TMEM120B: variants seen among roughly 807,000 people sequenced by gnomAD.
TMEM120B encodes transmembrane protein 120B.
A neutral mutation model predicts 55.5 loss-of-function variants in TMEM120B; 31 were observed. That is an observed-to-expected ratio of 0.56 (90% CI 0.42 to 0.75). The LOEUF is 0.75. TMEM120B is among the 30% of genes least tolerant of loss of function. The probability of loss-of-function intolerance (pLI) is 0.00; values close to 1 mark genes in which losing one functional copy is unlikely to be tolerated. For synonymous variants in TMEM120B, 203 were observed against 176.3 expected (o/e 1.15, Z -1.20); for missense variants, 399 against 425.5 (o/e 0.94, Z 0.55).
rs776647972 is a variant in TMEM120B at position 121,779,516 on chromosome 12, C to T, written c.*3794C>T. On this transcript the variant is annotated 3_prime_UTR_variant, in exon 12 of 12. Transcript: ENST00000449592. The stretch of plus-strand genomic sequence containing the variant: ...CCCTGGGTCAGAGCAGCAGGCAGAG[C>T]CGGCGCTTCTTCTGCCGTTGCGCCT... The T allele has an allele frequency of 5.6e-6, 9 of 1,612,592 alleles. No individual in the cohort carries two copies. The highest frequency in any genetic ancestry group is 7.6e-6 in the Non-Finnish European group (9 of 1,180,020).
chr12:121,719,643 G>A (rs1173932754), intron 1 of TMEM120B, among the ~76,000 whole-genome samples: 1 of 152,070 alleles, frequency 6.6e-6, no homozygotes, highest in Admixed American at 6.6e-5. Flanking sequence ...TGCTTAAATT[G>A]CTAACGGGGG....
chr12:121,775,830 C>T lies in TMEM120B; in HGVS notation c.*108C>T, dbSNP rs1874226147. 2 of 1,200,940 alleles carry T rather than the reference C, an allele frequency of 1.7e-6. No homozygotes were observed. The highest frequency in any genetic ancestry group is 3.0e-5 in the African/African-American group (2 of 67,120). 74.4% of individuals were successfully genotyped at this position (1,200,940 alleles called of 1,614,324 possible). A position where few individuals can be genotyped will look rare whatever the true frequency, so the allele number is the denominator to read the frequency against. ...TGGCATCGCTGGGAGAGGGCCCAGG[C>T]CCTGGTCCCCCAGTGGACCCCAGTG... On this transcript the variant is annotated 3_prime_UTR_variant, in exon 12 of 12. Coordinates refer to ENST00000449592, the MANE Select transcript of TMEM120B (RefSeq NM_001080825.2). This position sits in a 1 kb window ranked among gnomAD's most constrained non-coding sequence, Gnocchi z 4.3.
chr12:121,729,833 T>C (rs1041546570), intron 1 of TMEM120B, among the ~76,000 whole-genome samples: 3 of 152,002 alleles, frequency 2.0e-5, no homozygotes, highest in African/African-American at 7.3e-5. Context: ...AGAAAGATAT[T>C]TGTACACCCA....
chr12:121,752,348 G>T, intron 5 of TMEM120B, 125 bp downstream of exon 5: 1 of 717,656 alleles, frequency 1.4e-6, no homozygotes, highest in Non-Finnish European at 2.4e-6. Flanking sequence ...ATGAGGTGTA[G>T]GGGAGAGAGG....
In TMEM120B at chr12:121,751,945, C is replaced by T. The variant is rs77942494; in HGVS notation, c.366-183C>T. Among the ~76,000 whole-genome samples the T allele has an allele frequency of 1.3e-3, 198 of 152,328 alleles. 1 individual carries two copies. Among genetic ancestry groups the T allele is most frequent in the African/African-American group, 4.5e-3 (188 of 41,562 alleles). On this transcript the variant is annotated intron_variant, in intron 4 of 11. Transcript: ENST00000449592. Reference sequence around the variant, plus strand: ...ACATGGGCCTTCTGCATACTTGGCCCTCTTCCCCTCATTGGTCACCACTAA... The same window carrying T: ...ACATGGGCCTTCTGCATACTTGGCCTTCTTCCCCTCATTGGTCACCACTAA...
intron 5 of TMEM120B, among the ~76,000 whole-genome samples, chr12:121,756,535 A>G (rs889458729): frequency 6.6e-6 from 1 of 152,198 alleles, no homozygotes; most frequent in Non-Finnish European, 1.5e-5. Flanking sequence ...TGTACCTCCC[A>G]GTGTCACACA....
At chr12:121,733,445 C>A (rs892109707) in intron 1 of TMEM120B, among the ~76,000 whole-genome samples, 1 of 151,776 alleles carries the variant, frequency 6.6e-6, no homozygotes, top group Non-Finnish European at 1.5e-5. Flanking sequence ...GGGGTTTCAC[C>A]ATGTTAGCTA....
rs768136695 is a variant in TMEM120B at position 121,738,745 on chromosome 12, C to T, written c.70-4884C>T. 6.6e-5 allele frequency among the ~76,000 whole-genome samples: 10 copies of T among 152,306 alleles called. No individual in the cohort carries two copies. In the East Asian group the frequency reaches 1.3e-3, roughly 21 times the overall value. ...CCAAGCAAAGTTAGCATCGTGGACACGGTGTCCCTACTGGCAGGAGCCACT... is the reference window on the plus strand; with the variant it reads ...CCAAGCAAAGTTAGCATCGTGGACATGGTGTCCCTACTGGCAGGAGCCACT... On this transcript the variant is annotated intron_variant, in intron 1 of 11. Coordinates refer to ENST00000449592, the MANE Select transcript of TMEM120B (RefSeq NM_001080825.2).
rs78269697 is a variant in TMEM120B, at chr12:121,740,934, C to G, written c.70-2695C>G. On this transcript the variant is annotated intron_variant, in intron 1 of 11. Coordinates refer to ENST00000449592, the MANE Select transcript of TMEM120B (RefSeq NM_001080825.2). ...GCTTTATGGGCCATATGGTCTCTGTCACAACTACTTGTTTTGCTGTTAGAG... is the reference window on the plus strand; with the variant it reads ...GCTTTATGGGCCATATGGTCTCTGTGACAACTACTTGTTTTGCTGTTAGAG... 1.2e-4 allele frequency among the ~76,000 whole-genome samples: 18 copies of G among 152,218 alleles called. 1 individual carries two copies. In the East Asian group the frequency reaches 3.5e-3, roughly 29 times the overall value.
intron 1 of TMEM120B, among the ~76,000 whole-genome samples, chr12:121,718,219 A>T (rs1183584186): frequency 2.0e-5 from 3 of 152,196 alleles, no homozygotes; most frequent in Non-Finnish European, 4.4e-5. Context: ...GCAGTGGCCC[A>T]TGCCTGTAAT....
Position 121,775,784 on chromosome 12 carries a change from C to T in TMEM120B, c.*62C>T, listed in dbSNP as rs770083645. 6.1e-5 allele frequency: 95 copies of T among 1,567,572 alleles called. No homozygotes were observed. The highest frequency in any genetic ancestry group is 8.1e-5 in the Non-Finnish European group (93 of 1,144,962). On this transcript the variant is annotated 3_prime_UTR_variant, in exon 12 of 12. Transcript: ENST00000449592. The surrounding 1 kb of genome is among the most constrained non-coding windows in gnomAD (Gnocchi z 4.3). ...CTGCAGGGGGCTCCCGGGCTCCTTC[C>T]CAGCAGCCCTCTCAGGCCCGTGGCA... is the stretch of plus-strand genomic sequence containing the variant.
chr12:121,770,902 C>T lies in TMEM120B; in HGVS notation c.552-5C>T. The T allele has an allele frequency of 6.2e-7, 1 of 1,614,044 alleles. No homozygotes were observed. Among genetic ancestry groups the T allele is most frequent in the Non-Finnish European group, 8.5e-7 (1 of 1,179,966 alleles). ...GAGCACTTTCCGTTCTCTCCCTCTC[C>T]CGAGAATTAAAGGCTGGTGGGTGTC... On this transcript the variant is annotated splice_region_variant and splice_polypyrimidine_tract_variant and intron_variant, in intron 6 of 11. Transcript: ENST00000449592.
chr12:121,754,517 G>T (rs776296603), intron 5 of TMEM120B, among the ~76,000 whole-genome samples: 14 of 152,168 alleles, frequency 9.2e-5, no homozygotes, highest in Non-Finnish European at 1.9e-4. Context: ...GGGCCATGCC[G>T]CTCCACAGGC....
chr12:121,770,019 T>G (rs1873984595), intron 6 of TMEM120B, among the ~76,000 whole-genome samples: 1 of 152,104 alleles, frequency 6.6e-6, no homozygotes, highest in Admixed American at 6.5e-5. Flanking sequence ...AAGCTTGCAC[T>G]TGGACGAGGA....
intron 6 of TMEM120B, among the ~76,000 whole-genome samples, chr12:121,764,597 T>G (rs561259099): frequency 1.1e-4 from 17 of 151,632 alleles, no homozygotes; most frequent in African/African-American, 3.9e-4. Flanking sequence ...GAGGATTGTA[T>G]GAGCCCAGGA....
At chr12:121,736,116 C>CCG (rs1240208145) in intron 1 of TMEM120B, among the ~76,000 whole-genome samples, 1 of 151,990 alleles carries the variant, frequency 6.6e-6, no homozygotes, top group Non-Finnish European at 1.5e-5. Context: ...TGGAAGCTTA[C>CCG]CTAGCTTCAG....
At chr12:121,774,305 G>A (rs1479097436) in intron 9 of TMEM120B, among the ~76,000 whole-genome samples, 2 of 152,142 alleles carry the variant, frequency 1.3e-5, no homozygotes, top group Admixed American at 6.5e-5. Context: ...ACTCTCCTAA[G>A]TAGGTCCTCC....
intron 1 of TMEM120B, among the ~76,000 whole-genome samples, chr12:121,734,152 G>C (rs1306027596): frequency 7.6e-6 from 1 of 132,402 alleles, no homozygotes; most frequent in African/African-American, 3.2e-5. Context: ...ACAGGGCATA[G>C]AGGGAGGCCT....
chr12:121,733,463 T>G (rs1163416513), intron 1 of TMEM120B, among the ~76,000 whole-genome samples: 1 of 151,732 alleles, frequency 6.6e-6, no homozygotes, highest in Non-Finnish European at 1.5e-5. Context: ...CTAGGATGGG[T>G]TTGATCTCCT....
Sources: gnomAD v4.1 joint callset for allele counts (sites outside exome capture counted in the v4.1 genomes callset) on GRCh38, gnomAD v4.1.1 for gene constraint, Gnocchi (gnomAD v3.1) non-coding constraint, MANE v1.5 for transcripts, NCBI Gene and HGNC (gene_info 2026-07-23, HGNC 2026-07-21) for gene names.